The following MMP15 variants were observed in gnomAD, a reference collection of about 807,000 sequenced individuals.
MMP15 encodes the protein matrix metalloproteinase-15.
A neutral mutation model predicts 65.0 loss-of-function variants in MMP15; 36 were observed. That is an observed-to-expected ratio of 0.55 (90% CI 0.42 to 0.73). MMP15 has a LOEUF of 0.73. Among genes scored for constraint, MMP15 ranks in the 30% least tolerant of loss-of-function variants. The pLI, the probability that MMP15 is intolerant of heterozygous loss-of-function variation, is 0.00. For missense variants in MMP15, 870 were observed against 987.8 expected, an observed-to-expected ratio of 0.88 and a Z score of 1.60; for synonymous variants, 428 against 410.2, an observed-to-expected ratio of 1.04 and a Z score of -0.52.
chr16:58,027,484 G>A (rs1963838392), intron 1 of MMP15, among the ~76,000 whole-genome samples: 1 of 152,188 alleles, frequency 6.6e-6, no homozygotes, highest in Non-Finnish European at 1.5e-5. Context: ...TGGGCGGGGA[G>A]TAGGGAGAAA....
chr16:58,026,997 C>G (rs1001026437), intron 1 of MMP15, among the ~76,000 whole-genome samples: 1 of 152,224 alleles, frequency 6.6e-6, no homozygotes, highest in African/African-American at 2.4e-5. Flanking sequence ...GGTGGCCTCC[C>G]GTCTGGGTGA....
chr16:58,026,946 G>T (rs1013751201), intron 1 of MMP15, among the ~76,000 whole-genome samples: 1 of 152,228 alleles, frequency 6.6e-6, no homozygotes, highest in African/African-American at 2.4e-5. Flanking sequence ...AGCCACAGGC[G>T]GAGCAAGAGC....
chr16:58,028,717 C>T (rs1475220007), intron 1 of MMP15, among the ~76,000 whole-genome samples: 1 of 152,204 alleles, frequency 6.6e-6, no homozygotes, highest in African/African-American at 2.4e-5. Context: ...CAAGGCCAGC[C>T]TCTCTCCACT....
chr16:58,037,852 T>C (rs150232890), intron 2 of MMP15, among the ~76,000 whole-genome samples: 67 of 152,248 alleles, frequency 4.4e-4, no homozygotes, highest in African/African-American at 1.6e-3. Context: ...CAGTGATTGA[T>C]TAGTGATGTC....
At chr16:58,040,497 G>A (rs1378240544) in intron 4 of MMP15, 40 bp from the exon 5 acceptor site, 4 of 1,600,766 alleles carry the variant, frequency 2.5e-6, no homozygotes, top group Middle Eastern at 2.2e-4. Context: ...CCTGGGACTG[G>A]CCACAGCTGA....
chr16:58,038,265 G>C lies in MMP15; in HGVS notation c.312-1G>C. On this transcript the variant is annotated splice_acceptor_variant, in intron 2 of 9. Coordinates refer to ENST00000219271, the MANE Select transcript of MMP15 (RefSeq NM_002428.4). LOFTEE classifies it high-confidence loss of function. ...CTCACCCCTCTGTGTCCATGTCCCA[G>C]GTGGATGAAGCGGCCCCGCTGTGGG... The C allele has an allele frequency of 2.5e-6, 4 of 1,613,820 alleles. No homozygotes were observed. Among genetic ancestry groups the C allele is most frequent in the Non-Finnish European group, 3.4e-6 (4 of 1,179,992 alleles).
intron 1 of MMP15, among the ~76,000 whole-genome samples, chr16:58,029,114 G>A (rs972171497): frequency 2.0e-5 from 3 of 152,182 alleles, no homozygotes; most frequent in Non-Finnish European, 4.4e-5. Context: ...CACCAAAACC[G>A]ATCCACCCGC....
chr16:58,040,721 G>A (rs1050045255), intron 5 of MMP15, 23 bp downstream of exon 5: 1 of 1,613,638 alleles, frequency 6.2e-7, no homozygotes, highest in South Asian at 1.1e-5. Context: ...TGACCAGCGG[G>A]CTCTGCATGC....
chr16:58,030,062 A>G (rs1046413383), intron 1 of MMP15, among the ~76,000 whole-genome samples: 7 of 152,160 alleles, frequency 4.6e-5, no homozygotes, highest in African/African-American at 1.7e-4. Flanking sequence ...TTTCCAGATC[A>G]AATCAGAATG....
rs1959375875 is a variant in MMP15, at chr16:58,038,267, T to C, written c.313T>C (p.Trp105Arg). 1 of 1,613,518 alleles carries C rather than the reference T, an allele frequency of 6.2e-7. No individual in the cohort carries two copies. Among genetic ancestry groups the C allele is most frequent in the African/African-American group, 1.3e-5 (1 of 74,884 alleles). The change falls in exon 3 of 10, where the codon TGG (tryptophan) becomes CGG (arginine). Residue 105 changes from tryptophan to arginine, a missense_variant and splice_region_variant. Physicochemically the swap from Trp to Arg is moderately radical, Grantham distance 101 (BLOSUM62 -3). Transcript: ENST00000219271. ...CACCCCTCTGTGTCCATGTCCCAGG[T>C]GGATGAAGCGGCCCCGCTGTGGGGT... ...TGVLDEETKE[W>R]MKRPRCGVPD...
intron 2 of MMP15, 65 bp downstream of exon 2, chr16:58,037,685 G>A: frequency 6.2e-7 from 1 of 1,600,616 alleles, no homozygotes; most frequent in South Asian, 1.1e-5. Context: ...CTCTCAAGAG[G>A]GCTCAGCATG....
Position 58,045,592 on chromosome 16 carries a change from T to G in MMP15, c.*146T>G. On this transcript the variant is annotated 3_prime_UTR_variant, in exon 10 of 10. Transcript: ENST00000219271. ...GCCCTCATTATTTATGTCCAGGTGT[T>G]TGTTTTGTTTTGTTTTTGGCACCTT... 1.5e-6 allele frequency: 1 copy of G among 655,916 alleles called. No individual in the cohort carries two copies. Among genetic ancestry groups the G allele is most frequent in the Non-Finnish European group, 2.5e-6 (1 of 398,976 alleles). 40.6% of individuals were successfully genotyped at this position (655,916 alleles called of 1,614,324 possible).
rs745919855 is a variant in MMP15 at position 58,043,573 on chromosome 16, G to A, written c.1516G>A (p.Val506Ile). 9.3e-6 allele frequency: 15 copies of A among 1,613,708 alleles called. No homozygotes were observed. The highest frequency in any genetic ancestry group is 1.3e-5 in the Non-Finnish European group (15 of 1,179,872). Residue 506 changes from valine (V) to isoleucine (I), a missense_variant, in exon 9 of 10, where the codon GTC (valine) becomes ATC (isoleucine). Transcript: ENST00000219271. The part of the protein sequence containing the change: ...GDPGYPKPIS[V>I]WQGIPASPKG... Reference sequence around the variant, plus strand: ...CCCTGGGTACCCCAAGCCCATCAGTGTCTGGCAGGGGATCCCTGCCTCCCC... The same window carrying A: ...CCCTGGGTACCCCAAGCCCATCAGTATCTGGCAGGGGATCCCTGCCTCCCC...
At chr16:58,034,488 G>A (rs1959292107) in intron 1 of MMP15, among the ~76,000 whole-genome samples, 3 of 152,164 alleles carry the variant, frequency 2.0e-5, no homozygotes, top group African/African-American at 4.8e-5. Flanking sequence ...AGTCCTATGG[G>A]TGGTATTGCT....
chr16:58,026,603 G>A, intron 1 of MMP15, 91 bp downstream of exon 1: 1 of 1,236,726 alleles, frequency 8.1e-7, no homozygotes, highest in South Asian at 2.5e-5. Context: ...GGTGGAGGGA[G>A]CGGAGACGCG....
At chr16:58,033,764 A>T (rs1362871405) in intron 1 of MMP15, among the ~76,000 whole-genome samples, 2 of 152,242 alleles carry the variant, frequency 1.3e-5, no homozygotes, top group African/African-American at 4.8e-5. Flanking sequence ...TTAGCTGGGC[A>T]TGGTGGCACA....
intron 2 of MMP15, 120 bp downstream of exon 2, chr16:58,037,740 G>T (rs1414093048): frequency 7.1e-7 from 1 of 1,412,186 alleles, no homozygotes; most frequent in Non-Finnish European, 9.6e-7. Flanking sequence ...ATGCCAAATG[G>T]TTTGGTCCTC....
At chr16:58,039,354 C>A (rs1401025225) in intron 3 of MMP15, among the ~76,000 whole-genome samples, 1 of 152,272 alleles carries the variant, frequency 6.6e-6, no homozygotes, top group East Asian at 1.9e-4. Flanking sequence ...CTCACTTGAA[C>A]CCGGGAGGTG....
chr16:58,043,547 A>T lies in MMP15; in HGVS notation c.1490A>T (p.Asp497Val). 1 of 1,613,872 alleles carries T rather than the reference A, an allele frequency of 6.2e-7. No homozygotes were observed. Among genetic ancestry groups the T allele is most frequent in the Non-Finnish European group, 8.5e-7 (1 of 1,179,918 alleles). ...WRFNEETQRG[D>V]PGYPKPISVW... Reference sequence around the variant, plus strand: ...TTCAACGAGGAGACACAGCGTGGAGACCCTGGGTACCCCAAGCCCATCAGT... The same window carrying T: ...TTCAACGAGGAGACACAGCGTGGAGTCCCTGGGTACCCCAAGCCCATCAGT... Residue 497 changes from aspartate to valine, a missense_variant, in exon 9 of 10, where the codon GAC becomes GTC. Physicochemically the swap from Asp to Val is radical, Grantham distance 152. Transcript: ENST00000219271.
Sources: gnomAD v4.1 joint callset for allele counts (sites outside exome capture counted in the v4.1 genomes callset) on GRCh38, gnomAD v4.1.1 for gene constraint, MANE v1.5 for transcripts, NCBI Gene and HGNC (gene_info 2026-07-23, HGNC 2026-07-21) for gene names.